Variants in ZFHX3 observed in about 807,000 individuals in gnomAD.
The protein encoded by ZFHX3 is zinc finger homeobox protein 3.
ZFHX3 carries 42 observed loss-of-function variants against 279.1 expected under a neutral mutation model. The ratio of observed to expected loss-of-function variants is 0.15; its 90% CI spans 0.12 to 0.19. The LOEUF is 0.19. Among genes scored for constraint, ZFHX3 ranks in the 10% least tolerant of loss-of-function variants. The pLI, the probability that ZFHX3 is intolerant of heterozygous loss-of-function variation, is 1.00. For missense variants in ZFHX3, 4,981 were observed against 4,754.0 expected, an observed-to-expected ratio of 1.05 and a Z score of -1.40; for synonymous variants, 2,293 against 1,957.8, an observed-to-expected ratio of 1.17 and a Z score of -4.52.
At chr16:73,444,883 G>T (rs975802992) in intron 3 of ZFHX3, among the ~76,000 whole-genome samples, 5 of 151,340 alleles carry the variant, frequency 3.3e-5, no homozygotes, top group African/African-American at 1.2e-4. Context: ...GCTTTGGGAG[G>T]CTGAGGCAGG....
At chr16:73,772,139 G>A (rs367929502) in intron 1 of ZFHX3, among the ~76,000 whole-genome samples, 6 of 152,084 alleles carry the variant, frequency 3.9e-5, no homozygotes, top group East Asian at 1.9e-4. Context: ...CCACCCCCTC[G>A]CCACAGACCT....
chr16:72,791,610 T>C (rs984604931), intron 9 of ZFHX3: 11 of 152,206 alleles, frequency 7.2e-5, no homozygotes, highest in Non-Finnish European at 1.6e-4. Context: ...GAATAAATCA[T>C]ACATTCTGAT....
intron 2 of ZFHX3, among the ~76,000 whole-genome samples, chr16:73,559,557 T>C (rs528488565): frequency 1.3e-5 from 2 of 152,294 alleles, no homozygotes; most frequent in East Asian, 3.9e-4. Flanking sequence ...ACAATGGAAA[T>C]GAAGGTGCAC....
At position 72,787,030 on chromosome 16, in the gene ZFHX3, CTTTTTT is replaced by C. The variant is rs949021905; in HGVS notation, c.*128_*133del. 7 of 967,808 alleles carry C rather than the reference CTTTTTT, an allele frequency of 7.2e-6. No individual in the cohort carries two copies. Among genetic ancestry groups the C allele is most frequent in the African/African-American group, 4.3e-5 (2 of 46,050 alleles). 60.0% of individuals were successfully genotyped at this position (967,808 alleles called of 1,614,324 possible). ...TATGGGAAAACAACCCACGCTTTTT[CTTTTTT>C]TTCTTTTTTTTTTTTTTTTTGTTTT... On this transcript the variant is annotated 3_prime_UTR_variant, in exon 10 of 10. Transcript: ENST00000268489.
At chr16:72,923,239 T>C (rs1304668319) in intron 3 of ZFHX3, among the ~76,000 whole-genome samples, 1 of 151,670 alleles carries the variant, frequency 6.6e-6, no homozygotes, top group African/African-American at 2.4e-5. Context: ...AGCCCAGGAG[T>C]TTAACACCAG....
intron 2 of ZFHX3, among the ~76,000 whole-genome samples, chr16:73,512,387 G>A (rs2019447228): frequency 6.8e-6 from 1 of 147,892 alleles, no homozygotes; most frequent in African/African-American, 2.5e-5. Flanking sequence ...GGTGGAGGTT[G>A]CAGTGAGCCA....
chr16:73,717,836 T>C (rs369580171), intron 1 of ZFHX3, among the ~76,000 whole-genome samples: 52 of 152,282 alleles, frequency 3.4e-4, no homozygotes, highest in Admixed American at 2.4e-3. Flanking sequence ...GAGGCGGACA[T>C]TGTGCAGTTC....
At chr16:72,873,514 T>C (rs574191136) in intron 4 of ZFHX3, among the ~76,000 whole-genome samples, 4 of 152,364 alleles carry the variant, frequency 2.6e-5, no homozygotes, top group South Asian at 4.1e-4. Flanking sequence ...CTCGTCATCA[T>C]TCCATTATCA....
chr16:73,255,109 C>G (rs749936465), intron 5 of ZFHX3, among the ~76,000 whole-genome samples: 3 of 152,188 alleles, frequency 2.0e-5, no homozygotes, highest in African/African-American at 4.8e-5. Context: ...CAAAGAATAT[C>G]CAGATCAGTC....
At chr16:73,233,732 C>T (rs73597363) in intron 5 of ZFHX3, among the ~76,000 whole-genome samples, 1,816 of 152,234 alleles carry the variant, frequency 0.012, 31 homozygotes, top group African/African-American at 0.041. Flanking sequence ...TTCTTTCTTT[C>T]TGGGTGTTCA....
At chr16:73,211,179 C>G (rs1488825007) in intron 5 of ZFHX3, among the ~76,000 whole-genome samples, 1 of 152,100 alleles carries the variant, frequency 6.6e-6, no homozygotes, top group Non-Finnish European at 1.5e-5. Context: ...GACCATATTG[C>G]CTTAAAGCCC....
At chr16:73,271,765 C>G (rs1442919703) in intron 4 of ZFHX3, among the ~76,000 whole-genome samples, 1 of 152,210 alleles carries the variant, frequency 6.6e-6, no homozygotes, top group Non-Finnish European at 1.5e-5. Context: ...CTGGTCCACC[C>G]TATGCCATGC....
At chr16:73,788,721 T>C (rs1185524752) in intron 1 of ZFHX3, among the ~76,000 whole-genome samples, 6 of 151,470 alleles carry the variant, frequency 4.0e-5, no homozygotes, top group Non-Finnish European at 8.8e-5. Context: ...AAAATATATA[T>C]ATATCTATAT....
chr16:73,517,964 T>C (rs2019551532), intron 2 of ZFHX3, among the ~76,000 whole-genome samples: 1 of 152,248 alleles, frequency 6.6e-6, no homozygotes, highest in Admixed American at 6.5e-5. Context: ...ATTATTGTTG[T>C]ACATTTTATT....
At chr16:73,249,951 C>T (rs1307229290) in intron 5 of ZFHX3, among the ~76,000 whole-genome samples, 1 of 152,122 alleles carries the variant, frequency 6.6e-6, no homozygotes, top group Non-Finnish European at 1.5e-5. Flanking sequence ...TGAAGTCTCA[C>T]AATAACAAGT....
intron 1 of ZFHX3, among the ~76,000 whole-genome samples, chr16:73,037,624 G>A (rs985389478): frequency 6.6e-6 from 1 of 152,144 alleles, no homozygotes; most frequent in African/African-American, 2.4e-5. Context: ...GTACAAGATG[G>A]GGGCCTGCAC....
intron 3 of ZFHX3, among the ~76,000 whole-genome samples, chr16:72,939,280 CA>C (rs1432057606): frequency 6.6e-6 from 1 of 152,150 alleles, no homozygotes; most frequent in East Asian, 1.9e-4. Context: ...CTCCACAGAG[CA>C]AAAACATCCG....
intron 2 of ZFHX3, among the ~76,000 whole-genome samples, chr16:73,650,363 A>T (rs1267199906): frequency 2.6e-5 from 4 of 152,030 alleles, no homozygotes; most frequent in Non-Finnish European, 1.5e-5. Context: ...ACAAAAACAA[A>T]AAAGCAAACT....
At chr16:72,982,709 C>T (rs576567701) in intron 1 of ZFHX3, among the ~76,000 whole-genome samples, 2 of 152,254 alleles carry the variant, frequency 1.3e-5, no homozygotes, top group South Asian at 4.1e-4. Context: ...AACAAATCCA[C>T]TAAAGCACCA....
Sources: allele counts gnomAD v4.1 joint callset (sites outside exome capture counted in the v4.1 genomes callset), GRCh38; gene constraint gnomAD v4.1.1; transcripts MANE v1.5; gene names NCBI Gene and HGNC (gene_info 2026-07-23, HGNC 2026-07-21).